The following ESRRG variants were observed in gnomAD, a reference collection of about 807,000 sequenced individuals.
ESRRG encodes estrogen-related receptor gamma.
ESRRG carries 13 observed loss-of-function variants against 44.0 expected under a neutral mutation model. The observed-to-expected ratio is 0.30, with a 90% CI of 0.19 to 0.47. The LOEUF (loss-of-function observed/expected upper bound fraction) is 0.47. Among genes scored for constraint, ESRRG ranks in the 20% least tolerant of loss-of-function variants. The pLI, the probability that ESRRG is intolerant of heterozygous loss-of-function variation, is 1.00. For missense variants in ESRRG, 395 were observed against 580.6 expected (o/e 0.68, Z 3.29); for synonymous variants, 215 against 214.6 (o/e 1.00, Z -0.02).
chr1:216,586,963 G>C (rs1360460341), intron 3 of ESRRG, among the ~76,000 whole-genome samples: 1 of 152,012 alleles, frequency 6.6e-6, no homozygotes, highest in African/African-American at 2.4e-5. Context: ...TTCAACATCT[G>C]CTGTTCAACA....
intron 3 of ESRRG, among the ~76,000 whole-genome samples, chr1:216,583,746 A>G: frequency 6.6e-6 from 1 of 152,226 alleles, no homozygotes; most frequent in Non-Finnish European, 1.5e-5. Context: ...ATGAGGTTTA[A>G]TTGGACTTAC....
At chr1:216,936,203 A>G (rs541237476) in intron 2 of ESRRG, among the ~76,000 whole-genome samples, 3 of 152,184 alleles carry the variant, frequency 2.0e-5, no homozygotes, top group African/African-American at 7.2e-5. Flanking sequence ...GAACAAATAT[A>G]TATTTCTTTT....
At chr1:216,927,657 C>T (rs982215536) in intron 2 of ESRRG, among the ~76,000 whole-genome samples, 3 of 152,154 alleles carry the variant, frequency 2.0e-5, no homozygotes, top group Non-Finnish European at 2.9e-5. Flanking sequence ...GGCTAAGGCA[C>T]GCCATAGGCC....
intron 1 of ESRRG, among the ~76,000 whole-genome samples, chr1:217,111,967 A>G (rs1354221): frequency 0.48 from 72,757 of 151,980 alleles, 18,022 homozygotes; most frequent in African/African-American, 0.6. Flanking sequence ...ATTCCCTCTT[A>G]TAATGCAGCC....
intron 5 of ESRRG, among the ~76,000 whole-genome samples, chr1:216,538,623 C>T (rs1230312825): frequency 6.6e-6 from 1 of 152,050 alleles, no homozygotes. Flanking sequence ...GCAGCAAATG[C>T]ATCCCCTAGT....
intron 2 of ESRRG, among the ~76,000 whole-genome samples, chr1:216,824,632 T>C (rs1458563112): frequency 1.3e-5 from 2 of 152,084 alleles, no homozygotes; most frequent in African/African-American, 2.4e-5. Context: ...GGCTGAGCAA[T>C]TTAAATGTTT....
chr1:217,058,085 T>C (rs927653612), intron 1 of ESRRG, among the ~76,000 whole-genome samples: 5 of 152,140 alleles, frequency 3.3e-5, no homozygotes, highest in African/African-American at 1.2e-4. Flanking sequence ...ATTGAAATGA[T>C]ATTGAAAAGC....
intron 2 of ESRRG, among the ~76,000 whole-genome samples, chr1:216,818,531 C>T (rs1202472914): frequency 6.6e-6 from 1 of 152,162 alleles, no homozygotes; most frequent in Non-Finnish European, 1.5e-5. Flanking sequence ...TGGTCCTCAT[C>T]CTCTTAGCTC....
intron 1 of ESRRG, among the ~76,000 whole-genome samples, chr1:216,710,059 C>A (rs971673860): frequency 1.3e-5 from 2 of 152,140 alleles, no homozygotes; most frequent in African/African-American, 4.8e-5. Context: ...TTCTCTGCAC[C>A]TAAACAGAGC....
intron 1 of ESRRG, among the ~76,000 whole-genome samples, chr1:216,952,944 C>T (rs1440811844): frequency 6.6e-6 from 1 of 151,992 alleles, no homozygotes; most frequent in Non-Finnish European, 1.5e-5. Context: ...TTGAACATTG[C>T]CTCACAATCA....
chr1:216,848,027 G>T lies in ESRRG; in HGVS notation c.-14+91555C>A, dbSNP rs888204581. On this transcript the variant is annotated intron_variant, in intron 2 of 7. Transcript: ENST00000359162. ...GGCAGATAATTCTTTGTTGTGGGAG[G>T]CTGTCCTGTGCATTGTAGGATGTTT... Among the ~76,000 whole-genome samples, 12 of 152,106 alleles carry T rather than the reference G, an allele frequency of 7.9e-5. No individual in the cohort carries two copies. In the South Asian group the frequency reaches 1.9e-3, roughly 24 times the overall value.
chr1:216,771,883 G>T (rs1329296774), intron 2 of ESRRG, among the ~76,000 whole-genome samples: 1 of 144,756 alleles, frequency 6.9e-6, no homozygotes, highest in East Asian at 2.1e-4. Context: ...ACCCCAAAGT[G>T]TGTGGTGAAA....
intron 1 of ESRRG, among the ~76,000 whole-genome samples, chr1:217,100,607 C>T (rs2092496333): frequency 6.6e-6 from 1 of 152,198 alleles, no homozygotes. Flanking sequence ...AATTTTGGCT[C>T]ACATTTCTGC....
At chr1:217,103,466 C>T (rs989452143) in intron 1 of ESRRG, among the ~76,000 whole-genome samples, 8 of 148,980 alleles carry the variant, frequency 5.4e-5, no homozygotes, top group Middle Eastern at 3.4e-3. Flanking sequence ...AGCAACACAG[C>T]GATACCTCAT....
upstream of ESRRG, among the ~76,000 whole-genome samples, chr1:216,726,193 T>C (rs773246049): frequency 1.3e-5 from 2 of 152,222 alleles, no homozygotes; most frequent in African/African-American, 2.4e-5. Context: ...CTGAACTCGC[T>C]GCTTTCTGAG....
intron 1 of ESRRG, among the ~76,000 whole-genome samples, chr1:217,123,274 C>T (rs1455366415): frequency 6.6e-6 from 1 of 152,148 alleles, no homozygotes; most frequent in Non-Finnish European, 1.5e-5. Flanking sequence ...TGTTAGCACT[C>T]ATCTTCTGCC....
intron 2 of ESRRG, among the ~76,000 whole-genome samples, chr1:216,875,735 C>T (rs1225227141): frequency 6.6e-6 from 1 of 151,908 alleles, no homozygotes; most frequent in Non-Finnish European, 1.5e-5. Flanking sequence ...GAAGATATTT[C>T]GTATGTATCT....
chr1:216,617,170 A>G (rs1464346208), intron 3 of ESRRG, among the ~76,000 whole-genome samples: 1 of 152,170 alleles, frequency 6.6e-6, no homozygotes, highest in Non-Finnish European at 1.5e-5. Flanking sequence ...TTGGCCAGCT[A>G]AAACTCACAT....
At chr1:216,826,530 C>T (rs555403492) in intron 2 of ESRRG, among the ~76,000 whole-genome samples, 86 of 152,206 alleles carry the variant, frequency 5.7e-4, no homozygotes, top group African/African-American at 2.0e-3. Flanking sequence ...TAGATTATTA[C>T]AATATTATTG....
Sources: gnomAD v4.1 joint callset for allele counts (sites outside exome capture counted in the v4.1 genomes callset) on GRCh38, gnomAD v4.1.1 for gene constraint, MANE v1.5 for transcripts, NCBI Gene and HGNC (gene_info 2026-07-23, HGNC 2026-07-21) for gene names.